The following MYO16 variants were observed in gnomAD, a reference collection of about 807,000 sequenced individuals.
The protein encoded by MYO16 is myosin XVI.
Under a neutral mutation model 205.3 loss-of-function variants are expected in MYO16, and 94 were observed. The ratio of observed to expected loss-of-function variants is 0.46; its 90% CI spans 0.39 to 0.54. MYO16 has a LOEUF of 0.54. MYO16 is among the 20% of genes least tolerant of loss of function. MYO16 has a pLI of 0.00. For synonymous variants in MYO16, 988 were observed against 954.0 expected (o/e 1.04, Z -0.66); for missense variants, 2,315 against 2,387.5 (o/e 0.97, Z 0.63).
At chr13:108,965,429 G>A (rs545689001) in intron 20 of MYO16, among the ~76,000 whole-genome samples, 24 of 151,954 alleles carry the variant, frequency 1.6e-4, no homozygotes, top group Non-Finnish European at 2.1e-4. Flanking sequence ...TTTCTGAGAC[G>A]GAGTTTCACT....
rs1271431123 is a variant in MYO16, at chr13:109,023,581, TTATA to T, written c.2796+3675_2796+3678del. Among the ~76,000 whole-genome samples, 9 of 125,260 alleles carry T rather than the reference TTATA, an allele frequency of 7.2e-5. No homozygotes were observed. In the Admixed American group the frequency reaches 8.4e-4, roughly 12 times the overall value. 82.2% of individuals were successfully genotyped at this position (125,260 alleles called of 152,430 possible). ...TATATATACAAATACATGTATATAT[TTATA>T]TATACAAATATAAATGTACATATTT... is the stretch of plus-strand genomic sequence containing the variant. On this transcript the variant is annotated intron_variant, in intron 23 of 34. Coordinates refer to ENST00000457511, the MANE Select transcript of MYO16 (RefSeq NM_001198950.3).
At chr13:108,990,147 TACACACACACACACACACAC>T (rs56975148) in intron 20 of MYO16, among the ~76,000 whole-genome samples, 15 of 148,396 alleles carry the variant, frequency 1.0e-4, no homozygotes, top group African/African-American at 3.7e-4. Flanking sequence ...ACACAGACAA[TACACACACACACACACACAC>T]ACACACACAC....
intron 4 of MYO16, among the ~76,000 whole-genome samples, chr13:108,752,730 C>T (rs1357063056): frequency 3.3e-5 from 5 of 149,410 alleles, no homozygotes; most frequent in Admixed American, 6.7e-5. Flanking sequence ...CAACCTCTGC[C>T]GCCGGGGTTC....
the MYO16 span, among the ~76,000 whole-genome samples, chr13:108,588,511 A>C: frequency 6.0e-4 from 92 of 152,322 alleles, no homozygotes; most frequent in Non-Finnish European, 1.0e-3. Flanking sequence ...AAAAGGAAAA[A>C]TACCAAGGAA....
At chr13:108,870,419 T>C (rs1878993388) in intron 12 of MYO16, among the ~76,000 whole-genome samples, 1 of 152,062 alleles carries the variant, frequency 6.6e-6, no homozygotes, top group African/African-American at 2.4e-5. Context: ...TTGGAAGGTG[T>C]ACTCTGTTTT....
At chr13:108,700,432 C>T (rs1883262044) in intron 2 of MYO16, among the ~76,000 whole-genome samples, 1 of 151,774 alleles carries the variant, frequency 6.6e-6, no homozygotes, top group African/African-American at 2.4e-5. Flanking sequence ...GGTCCTTTGA[C>T]GATTGTAGCC....
intron 16 of MYO16, among the ~76,000 whole-genome samples, chr13:108,943,366 C>A (rs1319713329): frequency 3.9e-5 from 6 of 152,180 alleles, no homozygotes; most frequent in African/African-American, 1.4e-4. Context: ...AGTTCCTGAT[C>A]TAGATCATTA....
At chr13:109,160,363 T>C (rs140966063) in intron 32 of MYO16, among the ~76,000 whole-genome samples, 1 of 152,338 alleles carries the variant, frequency 6.6e-6, no homozygotes, top group East Asian at 1.9e-4. Context: ...CACTGCAAAC[T>C]TGTAATTAAT....
At chr13:108,948,320 G>A (rs955615052) in intron 16 of MYO16, among the ~76,000 whole-genome samples, 10 of 152,150 alleles carry the variant, frequency 6.6e-5, no homozygotes, top group Non-Finnish European at 8.8e-5. Context: ...CTTTGTATTC[G>A]CACAGCAGAT....
intron 1 of MYO16, among the ~76,000 whole-genome samples, chr13:108,609,113 C>T (rs993305787): frequency 3.3e-5 from 5 of 152,158 alleles, no homozygotes; most frequent in Non-Finnish European, 5.9e-5. Flanking sequence ...TCTCACTGGC[C>T]GACAACTCAA....
intron 10 of MYO16, 141 bp downstream of exon 10, chr13:108,844,634 G>A: frequency 1.2e-6 from 1 of 848,144 alleles, no homozygotes; most frequent in Non-Finnish European, 1.7e-6. Context: ...TTTGCTTGCA[G>A]TTTTCATAAA....
chr13:108,553,422 C>T, the MYO16 span, among the ~76,000 whole-genome samples: 2 of 152,180 alleles, frequency 1.3e-5, no homozygotes, highest in African/African-American at 4.8e-5. Context: ...AGACCCAATT[C>T]TCGCATCCCT....
At chr13:108,627,176 T>C (rs1231726910), upstream of MYO16, among the ~76,000 whole-genome samples, 1 of 151,968 alleles carries the variant, frequency 6.6e-6, no homozygotes, top group Non-Finnish European at 1.5e-5. Context: ...TAGAAATTAA[T>C]TTTTGTTTTG....
intron 12 of MYO16, among the ~76,000 whole-genome samples, chr13:108,870,779 T>A (rs1403454021): frequency 6.6e-6 from 1 of 152,158 alleles, no homozygotes; most frequent in East Asian, 1.9e-4. Flanking sequence ...TCTTTCTAAT[T>A]TATTTGGGTA....
chr13:109,053,718 T>C (rs1887323755), intron 25 of MYO16, among the ~76,000 whole-genome samples: 1 of 152,098 alleles, frequency 6.6e-6, no homozygotes, highest in African/African-American at 2.4e-5. Flanking sequence ...TTATTATGAT[T>C]ATTCCTTAAA....
chr13:109,142,858 C>G (rs1877166434), intron 32 of MYO16, among the ~76,000 whole-genome samples: 1 of 152,156 alleles, frequency 6.6e-6, no homozygotes, highest in African/African-American at 2.4e-5. Flanking sequence ...CAATCCCACA[C>G]TGTGGAGTGT....
intron 15 of MYO16, 79 bp from the exon 16 acceptor site, chr13:108,909,924 A>G: frequency 7.2e-7 from 1 of 1,383,792 alleles, no homozygotes; most frequent in East Asian, 2.3e-5. Context: ...TATCTCTTGT[A>G]ATTAATTAAT....
chr13:108,986,175 G>A (rs1467372851), intron 20 of MYO16, among the ~76,000 whole-genome samples: 1 of 152,128 alleles, frequency 6.6e-6, no homozygotes. Flanking sequence ...ACCTCCCAAG[G>A]GGTCCTTCCC....
chr13:108,548,315 ATTG>A, the MYO16 span, among the ~76,000 whole-genome samples: 22 of 149,832 alleles, frequency 1.5e-4, no homozygotes, highest in Non-Finnish European at 1.8e-4. Context: ...AATGGTGATG[ATTG>A]TTGTTGTGGT....
Sources: allele counts gnomAD v4.1 joint callset (sites outside exome capture counted in the v4.1 genomes callset), GRCh38; gene constraint gnomAD v4.1.1; transcripts MANE v1.5; gene names NCBI Gene and HGNC (gene_info 2026-07-23, HGNC 2026-07-21).